The following TECPR1 variants were observed in gnomAD, a reference collection of about 807,000 sequenced individuals.
TECPR1 encodes the protein tectonin beta-propeller repeat-containing protein 1.
In TECPR1, 122 loss-of-function variants were observed where a neutral mutation model predicts 162.4. The observed-to-expected ratio is 0.75, with a 90% confidence interval of 0.65 to 0.87. TECPR1 has a LOEUF of 0.87. TECPR1 is among the 40% of genes least tolerant of loss of function. TECPR1 has a pLI of 0.00. For missense variants in TECPR1, 1,432 were observed against 1,618.2 expected (o/e 0.88, Z 1.97); for synonymous variants, 642 against 670.6 (o/e 0.96, Z 0.66).
At position 98,236,826 on chromosome 7, in the gene TECPR1, C is replaced by T. The variant is rs571232000; in HGVS notation, c.1131G>A (p.Ala377=). ...AGTGTGACCGGTCACACTCTCGGGC[C>T]GCGATGATGGCTTTCCAGGTCTTCC... ...LSGKTWKAII[A]ARECDRSHSG... Residue 377 remains alanine (A), a synonymous_variant, in exon 10 of 26, where the codon GCG becomes GCA. Transcript: ENST00000447648. 5.4e-5 allele frequency: 85 copies of T among 1,588,372 alleles called. No homozygotes were observed. Among genetic ancestry groups the T allele is most frequent in the South Asian group, 2.1e-4 (18 of 86,890 alleles).
rs530596870 is a variant in TECPR1, at chr7:98,237,316, CAG to C, written c.1036-397_1036-396del. Among the ~76,000 whole-genome samples the C allele has an allele frequency of 2.2e-3, 330 of 152,236 alleles. 3 individuals carry two copies. Among genetic ancestry groups the C allele is most frequent in the African/African-American group, 7.5e-3 (313 of 41,526 alleles). On this transcript the variant is annotated intron_variant, in intron 9 of 25. Transcript: ENST00000447648. ...TTGTCTTTGTTTTTTGTTGTTGAGA[CAG>C]AGTCTTGCTCTGTCACCCAGGCTGG... is the stretch of plus-strand genomic sequence containing the variant.
At chr7:98,243,271 G>C (rs1029603195) in intron 6 of TECPR1, among the ~76,000 whole-genome samples, 196 bp downstream of exon 6, 1 of 151,768 alleles carries the variant, frequency 6.6e-6, no homozygotes, top group African/African-American at 2.4e-5. Context: ...TCTTGAGGAG[G>C]CCGCATTGAT....
chr7:98,233,949 A>C, intron 10 of TECPR1, 38 bp from the exon 11 acceptor site: 1 of 1,476,114 alleles, frequency 6.8e-7, no homozygotes, highest in Admixed American at 2.4e-5. Context: ...ACTCCCTTGC[A>C]GGGGAACAGG....
In TECPR1 at chr7:98,240,844, ATCT is replaced by A. The variant is rs1562942508; in HGVS notation, c.933+4_933+6del. On this transcript the variant is annotated splice_donor_5th_base_variant and intron_variant, in intron 8 of 25. Coordinates refer to ENST00000447648, the MANE Select transcript of TECPR1 (RefSeq NM_015395.3). ...CAAGTGATCCCCCAGCCTCATCCCCATCTTACCTTCCAGTCCTTGGTGACAGCC... is the reference window on the plus strand; with the variant it reads ...CAAGTGATCCCCCAGCCTCATCCCCATACCTTCCAGTCCTTGGTGACAGCC... The A allele has an allele frequency of 6.3e-7, 1 of 1,593,210 alleles. No individual in the cohort carries two copies. Among genetic ancestry groups the A allele is most frequent in the South Asian group, 1.1e-5 (1 of 87,274 alleles).
At position 98,223,697 on chromosome 7, in the gene TECPR1, C is replaced by T. The variant is rs1474741908; in HGVS notation, c.2712G>A (p.Thr904=). The change falls in exon 20 of 26, where the codon ACG becomes ACA. Residue 904 remains threonine, a synonymous_variant. Transcript: ENST00000447648. The stretch of plus-strand genomic sequence containing the variant: ...ACCTCCTCCTCACAAAATCCTTCAT[C>T]GTTTTGGACCCATGGTATGAGCTGC... ...DFPASYHGSK[T]MKDFVRRRCW... 4.3e-6 allele frequency: 7 copies of T among 1,613,638 alleles called. No individual in the cohort carries two copies. Among genetic ancestry groups the T allele is most frequent in the East Asian group, 2.2e-5 (1 of 44,842 alleles).
chr7:98,246,028 G>A lies in TECPR1; in HGVS notation c.119C>T (p.Ala40Val), dbSNP rs201816079. Residue 40 changes from alanine to valine, a missense_variant, in exon 3 of 26, where the codon GCC (alanine) becomes GTC (valine). Transcript: ENST00000447648. ...DSQLEFKRVS[A>V]TTQCCWGIAC... The stretch of plus-strand genomic sequence containing the variant: ...AATGCCCCAGCAGCACTGCGTGGTG[G>A]CGCTGACGCGCTTGAACTCCAGCTG... The A allele has an allele frequency of 5.0e-6, 8 of 1,592,042 alleles. No homozygotes were observed. In the East Asian group the frequency reaches 1.8e-4, roughly 36 times the overall value.
chr7:98,229,092 T>TA lies in TECPR1; in HGVS notation c.2356dup (p.Tyr786LeufsTer2), dbSNP rs1562936339. On this transcript the variant is annotated frameshift_variant, in exon 16 of 26. Coordinates refer to ENST00000447648, the MANE Select transcript of TECPR1 (RefSeq NM_015395.3). LOFTEE classifies it high-confidence loss of function. ...TGTGTATACCCAGGCCGTGTGGTCATAGCCGATGCCCCACACCACGCCCCG... is the reference window on the plus strand; with the variant it reads ...TGTGTATACCCAGGCCGTGTGGTCATAAGCCGATGCCCCACACCACGCCCCG... The TA allele has an allele frequency of 1.9e-6, 3 of 1,585,464 alleles. No homozygotes were observed.
chr7:98,234,538 TTGGA>T (rs1405372587), intron 10 of TECPR1, among the ~76,000 whole-genome samples: 1 of 152,112 alleles, frequency 6.6e-6, no homozygotes, highest in Non-Finnish European at 1.5e-5. Context: ...TTCAAGCCTC[TTGGA>T]TATACACCCA....
chr7:98,236,605 G>A (rs1798605822), intron 10 of TECPR1, among the ~76,000 whole-genome samples, 171 bp downstream of exon 10: 1 of 151,534 alleles, frequency 6.6e-6, no homozygotes, highest in Non-Finnish European at 1.5e-5. Flanking sequence ...TGGGACCGAG[G>A]CAGGAGGGCT....
At position 98,233,721 on chromosome 7, in the gene TECPR1, C is replaced by T. The variant is rs114439154; in HGVS notation, c.1372G>A (p.Val458Met). 2.4e-3 allele frequency: 3,929 copies of T among 1,612,182 alleles called. 79 individuals carry two copies. In the African/African-American group the frequency reaches 0.044, roughly 18 times the overall value. ...LGAGRTAEDT[V>M]EDACPAEGSR... is the part of the protein sequence containing the mutation. ...CCCTCGGCTGGGCAGGCATCTTCCA[C>T]GGTATCTTCTGCGGTCCTGCCAGCC... Residue 458 changes from valine to methionine, a missense_variant, in exon 11 of 26, where the codon GTG (valine) becomes ATG (methionine). Coordinates refer to ENST00000447648, the MANE Select transcript of TECPR1 (RefSeq NM_015395.3).
Position 98,223,124 on chromosome 7 carries a change from T to G in TECPR1, c.2794A>C (p.Ile932Leu). Residue 932 changes from isoleucine to leucine, a missense_variant, in exon 21 of 26, where the codon ATC becomes CTC. Ile to Leu is a conservative substitution (Grantham distance 5). Transcript: ENST00000447648. Reference sequence around the variant, plus strand: ...ATGATGGACACGTCCCTGAGGGCGATGGGGGGCACCTCCAGCCAGGGCCCA... The same window carrying G: ...ATGATGGACACGTCCCTGAGGGCGAGGGGGGGCACCTCCAGCCAGGGCCCA... The part of the protein sequence containing the change: ...TSGPWLEVPP[I>L]ALRDVSIIPE... 1 of 1,605,000 alleles carries G rather than the reference T, an allele frequency of 6.2e-7. No individual in the cohort carries two copies. Among genetic ancestry groups the G allele is most frequent in the South Asian group, 1.1e-5 (1 of 89,492 alleles).
intron 9 of TECPR1, 152 bp downstream of exon 9, chr7:98,238,357 G>C: frequency 1.5e-6 from 1 of 674,480 alleles, no homozygotes; most frequent in Non-Finnish European, 2.6e-6. Flanking sequence ...GCAGCAGAGG[G>C]AAGCCTGGCA....
intron 10 of TECPR1, among the ~76,000 whole-genome samples, chr7:98,234,714 T>A (rs1176874738): frequency 6.8e-6 from 1 of 146,608 alleles, no homozygotes; most frequent in African/African-American, 2.5e-5. Context: ...TCTTTTTTTT[T>A]TTTTTTTTTT....
chr7:98,245,877 C>T (rs1045399557), intron 3 of TECPR1, 45 bp downstream of exon 3: 5 of 1,525,580 alleles, frequency 3.3e-6, no homozygotes, highest in Non-Finnish European at 4.4e-6. Context: ...ACCAATAACC[C>T]AGCGAACTGA....
At chr7:98,228,249 C>A in intron 16 of TECPR1, 133 bp from the exon 17 acceptor site, 1 of 720,542 alleles carries the variant, frequency 1.4e-6, no homozygotes. Context: ...GAGGAGCAAA[C>A]AGTCCTGTTG....
chr7:98,229,212 T>C, intron 15 of TECPR1, 46 bp from the exon 16 acceptor site: 1 of 1,533,122 alleles, frequency 6.5e-7, no homozygotes. Context: ...AGACCCCACC[T>C]TCCAACCCTG....
chr7:98,240,668 G>C (rs1276515070), intron 8 of TECPR1, among the ~76,000 whole-genome samples, 183 bp downstream of exon 8: 1 of 151,960 alleles, frequency 6.6e-6, no homozygotes, highest in Non-Finnish European at 1.5e-5. Context: ...GCCCACCTAG[G>C]CCTCCCGATG....
intron 23 of TECPR1, 54 bp downstream of exon 23, chr7:98,221,607 G>A (rs2116533876): frequency 1.3e-6 from 2 of 1,529,940 alleles, no homozygotes; most frequent in Non-Finnish European, 1.8e-6. Context: ...GATTACAGGT[G>A]TGAGCCACCA....
Position 98,230,999 on chromosome 7 carries a change from G to A in TECPR1, c.2244C>T (p.Asp748=), listed in dbSNP as rs749986760. The change falls in exon 15 of 26, where the codon GAC becomes GAT. Residue 748 remains aspartate, a synonymous_variant. Transcript: ENST00000447648. Reference sequence around the variant, plus strand: ...GCAGGGGGTGCTCGTGGGCCTCCAGGTCTGGGCTGGGCTCGCTCACGAAGA... The same window carrying A: ...GCAGGGGGTGCTCGTGGGCCTCCAGATCTGGGCTGGGCTCGCTCACGAAGA... ...GDIFVSEPSP[D]LEAHEHPLPC... 3 of 1,612,712 alleles carry A rather than the reference G, an allele frequency of 1.9e-6. No individual in the cohort carries two copies. In the African/African-American group the frequency reaches 4.0e-5, roughly 22 times the overall value.
Sources: allele counts gnomAD v4.1 joint callset (sites outside exome capture counted in the v4.1 genomes callset), GRCh38; gene constraint gnomAD v4.1.1; transcripts MANE v1.5; gene names NCBI Gene and HGNC (gene_info 2026-07-23, HGNC 2026-07-21).